Variants in R3HDM2 observed in about 807,000 individuals in gnomAD.
R3HDM2 encodes R3H domain-containing protein 2.
Under a neutral mutation model 124.5 loss-of-function variants are expected in R3HDM2, and 38 were observed. The observed-to-expected ratio is 0.31, with a 90% CI of 0.24 to 0.40. The LOEUF (loss-of-function observed/expected upper bound fraction) is 0.40, where lower values mean the gene tolerates loss of function less well. R3HDM2 is among the 10% of genes least tolerant of loss of function. The pLI, the probability that R3HDM2 is intolerant of heterozygous loss-of-function variation, is 1.00. For synonymous variants in R3HDM2, 391 were observed against 448.0 expected, an observed-to-expected ratio of 0.87 and a Z score of 1.61; for missense variants, 869 against 1,236.9, an observed-to-expected ratio of 0.70 and a Z score of 4.46.
rs747344000 is a variant in R3HDM2 at position 57,268,505 on chromosome 12, G to A, written c.1876-48C>T. ...AGAATCACATTCGCATTCACATTGA[G>A]CTCATGCAGAAACAGCCTAGTCATC... On this transcript the variant is annotated intron_variant, in intron 17 of 23. Transcript: ENST00000402412. 5.0e-6 allele frequency: 8 copies of A among 1,596,104 alleles called. No individual in the cohort carries two copies. The African/African-American group carries it at 5.4e-5, about 11-fold the overall frequency.
intron 1 of R3HDM2, among the ~76,000 whole-genome samples, chr12:57,399,018 T>C (rs2067824054): frequency 6.6e-6 from 1 of 152,196 alleles, no homozygotes; most frequent in Non-Finnish European, 1.5e-5. Context: ...TCACTGCTGA[T>C]AAGACTTCTA....
chr12:57,291,714 C>T (rs996559427), intron 11 of R3HDM2, among the ~76,000 whole-genome samples: 3 of 151,280 alleles, frequency 2.0e-5, no homozygotes, highest in Non-Finnish European at 4.4e-5. Flanking sequence ...CATCTTTTGA[C>T]AATGAAGGGA....
At chr12:57,387,133 G>C (rs113595656) in intron 2 of R3HDM2, among the ~76,000 whole-genome samples, 6 of 152,072 alleles carry the variant, frequency 3.9e-5, no homozygotes, top group African/African-American at 1.4e-4. Context: ...GGATATGGGT[G>C]GGGTCAGATA....
intron 1 of R3HDM2, among the ~76,000 whole-genome samples, chr12:57,425,281 A>G (rs1212743270): frequency 6.6e-6 from 1 of 152,182 alleles, no homozygotes; most frequent in Non-Finnish European, 1.5e-5. Context: ...TCAAAAAAAA[A>G]AAAAAATTAT....
At chr12:57,280,727 CTT>C (rs1344961574) in intron 13 of R3HDM2, among the ~76,000 whole-genome samples, 197 bp from the exon 14 acceptor site, 1 of 152,206 alleles carries the variant, frequency 6.6e-6, no homozygotes, top group Non-Finnish European at 1.5e-5. Context: ...CAGTCCTCCT[CTT>C]TGCAGGCTTC....
intron 1 of R3HDM2, among the ~76,000 whole-genome samples, chr12:57,427,074 C>T (rs953805636): frequency 6.6e-6 from 1 of 152,102 alleles, no homozygotes; most frequent in Non-Finnish European, 1.5e-5. Flanking sequence ...AGGAGGATCA[C>T]CAGGTCAGGA....
At chr12:57,422,139 C>G (rs1798710) in intron 1 of R3HDM2, among the ~76,000 whole-genome samples, 66,948 of 150,042 alleles carry the variant, frequency 0.45, 15,508 homozygotes, top group South Asian at 0.52. Context: ...ATCTATCCCT[C>G]TGCACTTGCA....
intron 2 of R3HDM2, among the ~76,000 whole-genome samples, chr12:57,372,902 AT>A: frequency 6.6e-6 from 1 of 152,358 alleles, no homozygotes; most frequent in Middle Eastern, 3.4e-3. Context: ...GTCTTCCCAG[AT>A]TTAAATTAAA....
At chr12:57,359,537 G>A (rs1013208174) in intron 2 of R3HDM2, among the ~76,000 whole-genome samples, 1 of 152,072 alleles carries the variant, frequency 6.6e-6, no homozygotes, top group Non-Finnish European at 1.5e-5. Flanking sequence ...TGTTTGCATG[G>A]TATATCGTCT....
chr12:57,310,138 A>T, intron 3 of R3HDM2, 126 bp downstream of exon 3: 2 of 572,876 alleles, frequency 3.5e-6, no homozygotes, highest in Non-Finnish European at 5.8e-6. Flanking sequence ...TTGATGCAGG[A>T]GTTTGAGGGT....
chr12:57,428,265 G>A (rs1031466076), intron 1 of R3HDM2, among the ~76,000 whole-genome samples: 3 of 152,082 alleles, frequency 2.0e-5, no homozygotes, highest in African/African-American at 7.2e-5. Flanking sequence ...TGTGCCTAGT[G>A]TGCTCAAGGA....
chr12:57,381,025 T>C (rs1262452308), intron 2 of R3HDM2, among the ~76,000 whole-genome samples: 1 of 151,618 alleles, frequency 6.6e-6, no homozygotes, highest in Admixed American at 6.6e-5. Context: ...AGGTCAGGCA[T>C]TCGAGACCAG....
intron 1 of R3HDM2, among the ~76,000 whole-genome samples, chr12:57,423,293 G>A (rs551686608): frequency 3.3e-5 from 5 of 151,884 alleles, no homozygotes; most frequent in East Asian, 3.9e-4. Context: ...GCACGGTGGC[G>A]CACCCCTGTA....
chr12:57,344,537 A>G (rs2059905586), intron 2 of R3HDM2, among the ~76,000 whole-genome samples: 1 of 152,256 alleles, frequency 6.6e-6, no homozygotes, highest in Admixed American at 6.5e-5. Flanking sequence ...GTTGAAATTA[A>G]CAACCTCACA....
chr12:57,268,820 C>G, intron 17 of R3HDM2, 102 bp downstream of exon 17: 1 of 1,374,790 alleles, frequency 7.3e-7, no homozygotes, highest in South Asian at 1.4e-5. Flanking sequence ...AAAGTAGACA[C>G]TATTTTAGTA....
rs575403782 is a variant in R3HDM2 at position 57,396,281 on chromosome 12, A to T, written c.-105-463T>A. ...ATGGTGAAGCCTTGTCTCTACTAAA[A>T]ATACAAAAAATTAGCCAGGCACGGT... On this transcript the variant is annotated intron_variant, in intron 1 of 23. Coordinates refer to ENST00000402412, the MANE Select transcript of R3HDM2 (RefSeq NM_001394031.1). 1.1e-4 allele frequency among the ~76,000 whole-genome samples: 17 copies of T among 151,740 alleles called. No individual in the cohort carries two copies. In the South Asian group the frequency reaches 3.5e-3, roughly 32 times the overall value.
At position 57,264,667 on chromosome 12, in the gene R3HDM2, A is replaced by G. The variant is rs1428666641; in HGVS notation, c.2131+2064T>C. Among the ~76,000 whole-genome samples the G allele has an allele frequency of 2.0e-5, 3 of 150,256 alleles. No individual in the cohort carries two copies. The East Asian group carries it at 5.9e-4, about 29-fold the overall frequency. On this transcript the variant is annotated intron_variant, in intron 19 of 23. Coordinates refer to ENST00000402412, the MANE Select transcript of R3HDM2 (RefSeq NM_001394031.1). ...ACAGGGTCTTGCTCTCCATGATGAC[A>G]GGGTGACATCACCATGATGCAGTGG... is the stretch of plus-strand genomic sequence containing the variant.
chr12:57,382,435 C>T (rs527276452), intron 2 of R3HDM2, among the ~76,000 whole-genome samples: 1 of 149,454 alleles, frequency 6.7e-6, no homozygotes, highest in South Asian at 2.1e-4. Flanking sequence ...TTAGTATAGA[C>T]AGGGTTTCAC....
intron 14 of R3HDM2, among the ~76,000 whole-genome samples, chr12:57,274,921 C>A (rs142762211): frequency 6.6e-6 from 1 of 151,872 alleles, no homozygotes; most frequent in Non-Finnish European, 1.5e-5. Flanking sequence ...CAATGCAATC[C>A]CCATCAAAAT....
Sources: gnomAD v4.1 joint callset for allele counts (sites outside exome capture counted in the v4.1 genomes callset) on GRCh38, gnomAD v4.1.1 for gene constraint, MANE v1.5 for transcripts, NCBI Gene and HGNC (gene_info 2026-07-23, HGNC 2026-07-21) for gene names.